Variants in COL14A1 observed in about 807,000 individuals in gnomAD.
COL14A1 encodes collagen alpha-1(XIV) chain.
A neutral mutation model predicts 230.3 loss-of-function variants in COL14A1; 136 were observed. The ratio of observed to expected loss-of-function variants is 0.59; its 90% CI spans 0.51 to 0.68. The LOEUF is 0.68. Among genes scored for constraint, COL14A1 ranks in the 30% least tolerant of loss-of-function variants. The probability of loss-of-function intolerance (pLI) is 0.00; values close to 1 mark genes in which losing one functional copy is unlikely to be tolerated. For synonymous variants in COL14A1, 792 were observed against 784.1 expected, an observed-to-expected ratio of 1.01 and a Z score of -0.17; for missense variants, 1,976 against 2,215.8, an observed-to-expected ratio of 0.89 and a Z score of 2.17.
intron 3 of COL14A1, among the ~76,000 whole-genome samples, chr8:120,158,654 AAAT>A (rs1293439062): frequency 5.9e-5 from 9 of 152,216 alleles, no homozygotes; most frequent in African/African-American, 1.7e-4. Flanking sequence ...GACATTGTGA[AAAT>A]AAGTGATAAG....
At chr8:120,349,511 C>G (rs1437474663) in intron 45 of COL14A1, among the ~76,000 whole-genome samples, 1 of 113,990 alleles carries the variant, frequency 8.8e-6, no homozygotes, top group Middle Eastern at 3.8e-3. Flanking sequence ...AAATGTATAA[C>G]TAGAATAACC....
intron 19 of COL14A1, among the ~76,000 whole-genome samples, chr8:120,241,882 A>G (rs1358988367): frequency 6.6e-6 from 1 of 152,206 alleles, no homozygotes; most frequent in African/African-American, 2.4e-5. Flanking sequence ...AAAAGGTGGT[A>G]GTGAAGATTA....
chr8:120,232,727 T>C (rs1818315893), intron 19 of COL14A1, among the ~76,000 whole-genome samples: 3 of 152,130 alleles, frequency 2.0e-5, no homozygotes, highest in African/African-American at 7.2e-5. Context: ...GCAATAAACA[T>C]GTGTGGATGT....
At chr8:120,318,590 C>T (rs370019038) in intron 40 of COL14A1, among the ~76,000 whole-genome samples, 59 of 152,030 alleles carry the variant, frequency 3.9e-4, no homozygotes, top group Non-Finnish European at 2.5e-4. Flanking sequence ...ACCTTGGACA[C>T]GAAGCACCCC....
chr8:120,266,507 C>T (rs868773406), intron 24 of COL14A1, among the ~76,000 whole-genome samples: 9 of 151,982 alleles, frequency 5.9e-5, no homozygotes, highest in African/African-American at 1.2e-4. Flanking sequence ...CAACAGGAGA[C>T]GAACTTTCAA....
chr8:120,205,681 A>G (rs1461405481), intron 9 of COL14A1, among the ~76,000 whole-genome samples: 2 of 152,074 alleles, frequency 1.3e-5, no homozygotes, highest in South Asian at 4.1e-4. Context: ...TGGGCACCCA[A>G]GCAGTATGAT....
At chr8:120,266,568 T>C (rs986669257) in intron 24 of COL14A1, among the ~76,000 whole-genome samples, 8 of 152,056 alleles carry the variant, frequency 5.3e-5, no homozygotes, top group Non-Finnish European at 1.0e-4. Flanking sequence ...CACTTTGTAG[T>C]TGACAGTTTG....
At chr8:120,356,847 G>A (rs1823006079) in intron 45 of COL14A1, among the ~76,000 whole-genome samples, 1 of 151,882 alleles carries the variant, frequency 6.6e-6, no homozygotes, top group South Asian at 2.1e-4. Context: ...TTTCCACCCA[G>A]GACTCATCTG....
chr8:120,306,245 A>G (rs1820855238), intron 36 of COL14A1, among the ~76,000 whole-genome samples: 1 of 152,084 alleles, frequency 6.6e-6, no homozygotes, highest in Non-Finnish European at 1.5e-5. Flanking sequence ...AAGTTTTTTC[A>G]TCTGTAATTT....
chr8:120,369,561 G>A lies in COL14A1; in HGVS notation c.5311+76G>A. The stretch of plus-strand genomic sequence containing the variant: ...TGCTTAGTACCAAAATGGGAAGATA[G>A]TGCTATGAAAAAAGTTAAATTGGTT... On this transcript the variant is annotated intron_variant, in intron 47 of 47. Transcript: ENST00000297848. 2.9e-6 allele frequency: 4 copies of A among 1,361,156 alleles called. No individual in the cohort carries two copies. In the South Asian group the frequency reaches 7.8e-5, roughly 27 times the overall value. The allele number at this position is 1,361,156 out of a possible 1,614,324, so 84.3% of individuals were successfully genotyped here.
At chr8:120,139,896 C>T (rs1442834710) in intron 1 of COL14A1, among the ~76,000 whole-genome samples, 1 of 152,018 alleles carries the variant, frequency 6.6e-6, no homozygotes, top group Non-Finnish European at 1.5e-5. Context: ...AGTGAGGTGG[C>T]ATGGGACTGT....
rs981480555 is a variant in COL14A1, at chr8:120,279,902, A to G, written c.3482-33A>G. The G allele has an allele frequency of 3.7e-6, 6 of 1,605,770 alleles. No homozygotes were observed. In the African/African-American group the frequency reaches 8.0e-5, roughly 22 times the overall value. On this transcript the variant is annotated intron_variant, in intron 28 of 47. Coordinates refer to ENST00000297848, the MANE Select transcript of COL14A1 (RefSeq NM_021110.4). The stretch of plus-strand genomic sequence containing the variant: ...ATTATTTGTGTTTTGTACAATTTAA[A>G]GTAATCGGAAATCTGTTCTCTGTCT...
intron 40 of COL14A1, among the ~76,000 whole-genome samples, chr8:120,320,644 G>C (rs1165759616): frequency 6.6e-6 from 1 of 152,102 alleles, no homozygotes; most frequent in Non-Finnish European, 1.5e-5. Flanking sequence ...TTATTCCCTT[G>C]AGCATCTTCC....
intron 45 of COL14A1, among the ~76,000 whole-genome samples, chr8:120,346,905 C>T (rs1390602057): frequency 1.3e-5 from 2 of 152,144 alleles, no homozygotes; most frequent in Non-Finnish European, 2.9e-5. Flanking sequence ...TTAATTGTGA[C>T]CCAGTTCTGA....
Position 120,197,883 on chromosome 8 carries a change from T to C in COL14A1, c.665T>C (p.Ile222Thr), listed in dbSNP as rs1817093459. The change falls in exon 7 of 48, where the codon ATT becomes ACT. Residue 222 changes from isoleucine (I) to threonine (T), a missense_variant. Around this residue, in one of 3 missense-constraint regions of COL14A1, gnomAD observed 1,791 missense variants for 2,019.5 expected, o/e 0.89. Transcript: ENST00000297848. Reference protein sequence around the residue: ...LNAFSTKDEVIEAVRNLPYKG... With the variant: ...LNAFSTKDEVTEAVRNLPYKG... Reference sequence around the variant, plus strand: ...GCATTTAGCACAAAAGATGAAGTGATTGAAGCTGTCCGAAACCTCCCATAT... The same window carrying C: ...GCATTTAGCACAAAAGATGAAGTGACTGAAGCTGTCCGAAACCTCCCATAT... 1.2e-6 allele frequency: 2 copies of C among 1,613,760 alleles called. No individual in the cohort carries two copies. The highest frequency in any genetic ancestry group is 8.5e-7 in the Non-Finnish European group (1 of 1,179,734).
At chr8:120,320,325 C>T (rs79522313) in intron 40 of COL14A1, among the ~76,000 whole-genome samples, 10,649 of 152,136 alleles carry the variant, frequency 0.07, 571 homozygotes, top group East Asian at 0.23. Flanking sequence ...GTACTTGACA[C>T]GTCGAGATGC....
chr8:120,297,391 T>C, intron 34 of COL14A1, 120 bp from the exon 35 acceptor site: 1 of 450,030 alleles, frequency 2.2e-6, no homozygotes. Context: ...CTTTTTAATT[T>C]ACTTACTGTA....
At chr8:120,357,622 T>C (rs1005838541) in intron 45 of COL14A1, among the ~76,000 whole-genome samples, 1 of 152,090 alleles carries the variant, frequency 6.6e-6, no homozygotes, top group Non-Finnish European at 1.5e-5. Context: ...CACACTCTTC[T>C]AAATTAAAAC....
At chr8:120,305,453 G>A (rs1820830823) in intron 36 of COL14A1, among the ~76,000 whole-genome samples, 1 of 151,902 alleles carries the variant, frequency 6.6e-6, no homozygotes, top group African/African-American at 2.4e-5. Context: ...AAATATATGG[G>A]CAAATCTTAA....
Sources: allele counts gnomAD v4.1 joint callset (sites outside exome capture counted in the v4.1 genomes callset), GRCh38; gene constraint gnomAD v4.1.1; regional missense constraint gnomAD v4.1.1; transcripts MANE v1.5; gene names NCBI Gene and HGNC (gene_info 2026-07-23, HGNC 2026-07-21).